TMEM51: variants seen among roughly 807,000 people sequenced by gnomAD.
TMEM51 encodes transmembrane protein 51, also known as chromosome 1 open reading frame 72.
TMEM51 carries 8 observed loss-of-function variants against 13.6 expected under a neutral mutation model. The observed-to-expected ratio is 0.59, with a 90% CI of 0.35 to 1.07. The LOEUF (loss-of-function observed/expected upper bound fraction) is 1.07. Ranked by LOEUF, TMEM51 falls within the 50% of genes least tolerant of loss-of-function variation. The pLI, the probability that TMEM51 is intolerant of heterozygous loss-of-function variation, is 0.02. For missense variants in TMEM51, 279 were observed against 330.7 expected (o/e 0.84, Z 1.21); for synonymous variants, 147 against 144.4 (o/e 1.02, Z -0.13).
intron 1 of TMEM51, among the ~76,000 whole-genome samples, chr1:15,172,946 C>T (rs1643336753): frequency 6.6e-6 from 1 of 152,136 alleles, no homozygotes; most frequent in Non-Finnish European, 1.5e-5. Flanking sequence ...AGGTCGGGTG[C>T]TGTCTGTTGT....
In TMEM51 at chr1:15,203,579, C is replaced by T. The variant is rs1409716404; in HGVS notation, c.-266-6911C>T. ...CCTGGCCTGTTTTTAAAATCACTAC[C>T]CACAGCTCTGTTATTTTCTTTTAGC... On this transcript the variant is annotated intron_variant, in intron 1 of 3. Coordinates refer to ENST00000376008, the MANE Select transcript of TMEM51 (RefSeq NM_001136218.2). Among the ~76,000 whole-genome samples, 3 of 152,006 alleles carry T rather than the reference C, an allele frequency of 2.0e-5. No individual in the cohort carries two copies. The East Asian group carries it at 5.8e-4, about 29-fold the overall frequency.
chr1:15,158,563 A>G (rs1642664295), intron 1 of TMEM51, among the ~76,000 whole-genome samples: 1 of 152,132 alleles, frequency 6.6e-6, no homozygotes, highest in South Asian at 2.1e-4. Flanking sequence ...CTCTAGAAAA[A>G]TCGGTATTTG....
At chr1:15,211,572 C>T (rs79591062) in intron 2 of TMEM51, among the ~76,000 whole-genome samples, 87 of 152,236 alleles carry the variant, frequency 5.7e-4, no homozygotes, top group African/African-American at 2.0e-3. Flanking sequence ...CTCCCTTTTA[C>T]AGCTGTGGAG....
At chr1:15,190,517 G>A (rs903259232) in intron 1 of TMEM51, among the ~76,000 whole-genome samples, 1 of 152,182 alleles carries the variant, frequency 6.6e-6, no homozygotes, top group African/African-American at 2.4e-5. Context: ...GGACACTCCA[G>A]GAAAAGCCAG....
At chr1:15,194,585 T>C (rs1644007793) in intron 1 of TMEM51, among the ~76,000 whole-genome samples, 1 of 152,170 alleles carries the variant, frequency 6.6e-6, no homozygotes. Context: ...TTAATGCACC[T>C]CTCAGTTTGT....
At chr1:15,208,174 A>G (rs1267410715) in intron 1 of TMEM51, among the ~76,000 whole-genome samples, 1 of 152,196 alleles carries the variant, frequency 6.6e-6, no homozygotes, top group Admixed American at 6.5e-5. Context: ...ACTGACTGCA[A>G]AGTGTTATCA....
At position 15,219,319 on chromosome 1, in the gene TMEM51, C is replaced by T; in HGVS notation, c.345-7C>T. ...AACACTCTCCCTGTCTGTGTGTCTTCTTGCAGCCAGGAGGAAGAAGAGGAG... is the reference window on the plus strand; with the variant it reads ...AACACTCTCCCTGTCTGTGTGTCTTTTTGCAGCCAGGAGGAAGAAGAGGAG... On this transcript the variant is annotated splice_region_variant and splice_polypyrimidine_tract_variant and intron_variant, in intron 3 of 3. Coordinates refer to ENST00000376008, the MANE Select transcript of TMEM51 (RefSeq NM_001136218.2). 6.4e-7 allele frequency: 1 copy of T among 1,567,404 alleles called. No homozygotes were observed. Among genetic ancestry groups the T allele is most frequent in the Non-Finnish European group, 8.7e-7 (1 of 1,155,328 alleles).
chr1:15,180,744 C>G (rs977642393), intron 1 of TMEM51, among the ~76,000 whole-genome samples: 1 of 152,130 alleles, frequency 6.6e-6, no homozygotes, highest in Admixed American at 6.5e-5. Context: ...GCCTTTAGCA[C>G]GGGGAGCATT....
At chr1:15,217,619 T>C (rs1573456541) in intron 3 of TMEM51, among the ~76,000 whole-genome samples, 1 of 152,054 alleles carries the variant, frequency 6.6e-6, no homozygotes, top group East Asian at 1.9e-4. Context: ...GAAGGCCTGA[T>C]TGAGAACGAG....
Position 15,153,761 on chromosome 1 carries a change from G to A in TMEM51, c.-460G>A, listed in dbSNP as rs1458296484. On this transcript the variant is annotated 5_prime_UTR_variant, in exon 1 of 4. Transcript: ENST00000376008. ...CCGGCGCTCCCAGGCCGCGCTTCCT[G>A]CGTCCCCAACCCGGTCCCTGAGAGG... is the stretch of plus-strand genomic sequence containing the variant. 1.3e-5 allele frequency: 2 copies of A among 152,048 alleles called. No homozygotes were observed. Among genetic ancestry groups the A allele is most frequent in the African/African-American group, 4.8e-5 (2 of 41,390 alleles). 9.4% of individuals were successfully genotyped at this position (152,048 alleles called of 1,614,324 possible). A position where few individuals can be genotyped will look rare whatever the true frequency, so the allele number is the denominator to read the frequency against.
chr1:15,164,357 A>G (rs1313656972), intron 1 of TMEM51: 1 of 456,040 alleles, frequency 2.2e-6, no homozygotes, highest in South Asian at 1.5e-5. Flanking sequence ...TGACCTTGAG[A>G]ACTTTGAAGA....
At chr1:15,196,119 T>A (rs533113297) in intron 1 of TMEM51, among the ~76,000 whole-genome samples, 1 of 152,230 alleles carries the variant, frequency 6.6e-6, no homozygotes, top group East Asian at 1.9e-4. Flanking sequence ...GCCTAGCTCA[T>A]CCACCCATCC....
At chr1:15,172,443 A>C (rs1256016831) in intron 1 of TMEM51, among the ~76,000 whole-genome samples, 1 of 151,116 alleles carries the variant, frequency 6.6e-6, no homozygotes, top group Non-Finnish European at 1.5e-5. Flanking sequence ...AAAGAAAAGA[A>C]TGGAAAGGAA....
intron 1 of TMEM51, among the ~76,000 whole-genome samples, chr1:15,180,299 C>T (rs2100230336): frequency 6.6e-6 from 1 of 152,338 alleles, no homozygotes; most frequent in East Asian, 1.9e-4. Context: ...GTCAGCAAGA[C>T]CAGCTCTAAG....
intron 3 of TMEM51, among the ~76,000 whole-genome samples, chr1:15,218,375 C>T (rs962744036): frequency 1.3e-5 from 2 of 152,142 alleles, no homozygotes; most frequent in East Asian, 1.9e-4. Flanking sequence ...GAATAGCTCA[C>T]GCAGCATGTC....
At chr1:15,202,214 C>T (rs78170013) in intron 1 of TMEM51, among the ~76,000 whole-genome samples, 2,883 of 152,218 alleles carry the variant, frequency 0.019, 94 homozygotes, top group African/African-American at 0.066. Flanking sequence ...AACCTGGCCA[C>T]ACGAGGAAAG....
intron 3 of TMEM51, among the ~76,000 whole-genome samples, chr1:15,217,257 C>T (rs1195939865): frequency 6.6e-6 from 1 of 152,198 alleles, no homozygotes; most frequent in African/African-American, 2.4e-5. Context: ...GTTACCACCC[C>T]TTTCCATGGT....
Position 15,219,915 on chromosome 1 carries a change from C to A in TMEM51, c.*172C>A. The A allele has an allele frequency of 1.4e-6, 1 of 691,294 alleles. No homozygotes were observed. The highest frequency in any genetic ancestry group is 2.4e-6 in the Non-Finnish European group (1 of 423,122). The allele number at this position is 691,294 out of a possible 1,614,324, so 42.8% of individuals were successfully genotyped here. A position where few individuals can be genotyped will look rare whatever the true frequency, so the allele number is the denominator to read the frequency against. On this transcript the variant is annotated 3_prime_UTR_variant, in exon 4 of 4. Transcript: ENST00000376008. ...CTGTATCAGGAGTGACTTTGTTGCC[C>A]CACACAGCCTCCTGCTGCAGGTGCT... is the stretch of plus-strand genomic sequence containing the variant.
intron 1 of TMEM51, among the ~76,000 whole-genome samples, chr1:15,158,496 C>A (rs1476055458): frequency 6.6e-6 from 1 of 152,200 alleles, no homozygotes; most frequent in Non-Finnish European, 1.5e-5. Flanking sequence ...CCCACCATCA[C>A]TGCCCCTTGC....
Sources: gnomAD v4.1 joint callset for allele counts (sites outside exome capture counted in the v4.1 genomes callset) on GRCh38, gnomAD v4.1.1 for gene constraint, MANE v1.5 for transcripts, NCBI Gene and HGNC (gene_info 2026-07-23, HGNC 2026-07-21) for gene names.